Variants in GLCE observed in about 807,000 individuals in gnomAD.
GLCE encodes the protein D-glucuronyl C5-epimerase.
Under a neutral mutation model 47.9 loss-of-function variants are expected in GLCE, and 19 were observed. The observed-to-expected ratio is 0.40, with a 90% CI of 0.28 to 0.58. The LOEUF is 0.58. GLCE is among the 20% of genes least tolerant of loss of function. The pLI is 0.48. For missense variants in GLCE, 556 were observed against 743.3 expected (o/e 0.75, Z 2.93); for synonymous variants, 245 against 263.4 (o/e 0.93, Z 0.68).
At chr15:69,165,024 TTTTCTTTCTC>T (rs1442789889) in intron 1 of GLCE, among the ~76,000 whole-genome samples, 4 of 152,220 alleles carry the variant, frequency 2.6e-5, no homozygotes, top group Non-Finnish European at 5.9e-5. Context: ...TTCTTTTCTC[TTTTCTTTCTC>T]TTTCTTTCTT....
chr15:69,257,806 G>A (rs2052948733), intron 3 of GLCE, among the ~76,000 whole-genome samples: 1 of 151,878 alleles, frequency 6.6e-6, no homozygotes, highest in Non-Finnish European at 1.5e-5. Flanking sequence ...CAGTGATTCA[G>A]GAGAGTAATA....
At chr15:69,265,798 G>A (rs11630886) in intron 4 of GLCE, among the ~76,000 whole-genome samples, 77,589 of 152,056 alleles carry the variant, frequency 0.51, 23,395 homozygotes, top group Admixed American at 0.66. Flanking sequence ...CCTCACACTT[G>A]GACTTCTAAA....
intron 1 of GLCE, among the ~76,000 whole-genome samples, chr15:69,188,859 T>A (rs1473143777): frequency 1.3e-5 from 2 of 152,228 alleles, no homozygotes; most frequent in Non-Finnish European, 2.9e-5. Flanking sequence ...TTTGCTTTCA[T>A]TGACTCAATA....
chr15:69,221,539 T>G (rs558404999), intron 2 of GLCE, among the ~76,000 whole-genome samples: 1 of 149,184 alleles, frequency 6.7e-6, no homozygotes, highest in South Asian at 2.1e-4. Context: ...TTTCAGATTG[T>G]TCATTGTTAT....
intron 1 of GLCE, among the ~76,000 whole-genome samples, chr15:69,172,676 A>C (rs1161382194): frequency 6.6e-6 from 1 of 152,212 alleles, no homozygotes; most frequent in Non-Finnish European, 1.5e-5. Context: ...GTAATTGCTT[A>C]AATGGCCATA....
At chr15:69,171,902 G>GT (rs2051594924) in intron 1 of GLCE, among the ~76,000 whole-genome samples, 3 of 152,152 alleles carry the variant, frequency 2.0e-5, no homozygotes, top group Admixed American at 2.0e-4. Context: ...ATTGTGATTG[G>GT]TAATATTTGG....
intron 2 of GLCE, among the ~76,000 whole-genome samples, chr15:69,221,954 C>CT (rs538656085): frequency 9.4e-4 from 141 of 149,518 alleles, no homozygotes; most frequent in Non-Finnish European, 1.3e-3. Context: ...GGCTGATGTT[C>CT]TTTTTTCCTT....
chr15:69,254,550 G>A (rs1161589210), intron 2 of GLCE, among the ~76,000 whole-genome samples: 1 of 152,150 alleles, frequency 6.6e-6, no homozygotes. Flanking sequence ...ATTCTGACAG[G>A]GTAGTAACAA....
intron 1 of GLCE, among the ~76,000 whole-genome samples, chr15:69,167,534 T>G (rs537255169): frequency 6.6e-6 from 1 of 152,352 alleles, no homozygotes; most frequent in East Asian, 1.9e-4. Flanking sequence ...GTCTTACCAG[T>G]TATCATTTAA....
In GLCE at chr15:69,256,316, C is replaced by G; in HGVS notation, c.510C>G (p.Pro170=). The G allele has an allele frequency of 6.2e-7, 1 of 1,613,950 alleles. No homozygotes were observed. Among genetic ancestry groups the G allele is most frequent in the Non-Finnish European group, 8.5e-7 (1 of 1,179,956 alleles). ...KVYAQRAPYH[P]DGVFMSFEGY... is the part of the protein sequence containing the mutation. Reference sequence around the variant, plus strand: ...ATGCACAGAGAGCCCCCTATCACCCCGATGGTGTGTTTATGTCTTTTGAAG... The same window carrying G: ...ATGCACAGAGAGCCCCCTATCACCCGGATGGTGTGTTTATGTCTTTTGAAG... The change falls in exon 3 of 5, where the codon CCC becomes CCG. Residue 170 remains proline, a synonymous_variant. Transcript: ENST00000261858.
chr15:69,213,729 A>G (rs999607387), intron 2 of GLCE, among the ~76,000 whole-genome samples: 1 of 152,098 alleles, frequency 6.6e-6, no homozygotes, highest in African/African-American at 2.4e-5. Flanking sequence ...TAATTTTAGC[A>G]TTTATAGGTA....
chr15:69,196,051 T>C (rs200765841), intron 1 of GLCE, among the ~76,000 whole-genome samples: 2 of 151,704 alleles, frequency 1.3e-5, no homozygotes, highest in Non-Finnish European at 1.5e-5. Flanking sequence ...GGCATGGCAG[T>C]TGGAGGAGGG....
rs142613445 is a variant in GLCE at position 69,271,869 on chromosome 15, C to T, written c.*2625C>T. ...CACAACTCTCCAGACGTGGCTCCTT[C>T]TCCTTTCTCAGTGCAGACTCTCACT... On this transcript the variant is annotated 3_prime_UTR_variant, in exon 5 of 5. Coordinates refer to ENST00000261858, the MANE Select transcript of GLCE (RefSeq NM_015554.3). 3.3e-4 allele frequency: 50 copies of T among 152,802 alleles called. No individual in the cohort carries two copies. Among genetic ancestry groups the T allele is most frequent in the African/African-American group, 1.1e-3 (47 of 41,572 alleles). The allele number at this position is 152,802 out of a possible 1,614,324, so 9.5% of individuals were successfully genotyped here.
intron 2 of GLCE, among the ~76,000 whole-genome samples, chr15:69,216,746 A>G (rs11635921): frequency 0.69 from 105,414 of 151,964 alleles, 37,643 homozygotes; most frequent in Admixed American, 0.77. Context: ...CTTAGATTTG[A>G]AAAATACTGT....
At chr15:69,248,528 G>C (rs1417548652) in intron 2 of GLCE, among the ~76,000 whole-genome samples, 2 of 152,084 alleles carry the variant, frequency 1.3e-5, no homozygotes, top group Non-Finnish European at 2.9e-5. Flanking sequence ...TTGCTTGCTT[G>C]CTTGCTTTCA....
chr15:69,249,787 A>C (rs1308732235), intron 2 of GLCE, among the ~76,000 whole-genome samples: 1 of 152,216 alleles, frequency 6.6e-6, no homozygotes, highest in African/African-American at 2.4e-5. Context: ...ACTTGAAGTA[A>C]CTAGGAAAAT....
chr15:69,216,523 G>GT (rs1260501419), intron 2 of GLCE, among the ~76,000 whole-genome samples: 1 of 152,088 alleles, frequency 6.6e-6, no homozygotes, highest in Non-Finnish European at 1.5e-5. Flanking sequence ...TTCAGTGGTA[G>GT]TTTTCTACCC....
chr15:69,218,875 A>G (rs2052341866), intron 2 of GLCE, among the ~76,000 whole-genome samples: 1 of 152,176 alleles, frequency 6.6e-6, no homozygotes, highest in Admixed American at 6.5e-5. Context: ...CATCTCAAAA[A>G]TTTAACACTG....
chr15:69,247,931 C>T (rs2052776663), intron 2 of GLCE, among the ~76,000 whole-genome samples: 1 of 152,122 alleles, frequency 6.6e-6, no homozygotes, highest in Non-Finnish European at 1.5e-5. Context: ...TCACAGATCA[C>T]CATAACAGAT....
Sources: allele counts gnomAD v4.1 joint callset (sites outside exome capture counted in the v4.1 genomes callset), GRCh38; gene constraint gnomAD v4.1.1; transcripts MANE v1.5; gene names NCBI Gene and HGNC (gene_info 2026-07-23, HGNC 2026-07-21).